Variants in SCARB2 observed in about 807,000 individuals in gnomAD.
The protein encoded by SCARB2 is lysosome membrane protein 2.
Under a neutral mutation model 58.6 loss-of-function variants are expected in SCARB2, and 29 were observed. That is an observed-to-expected ratio of 0.49 (90% CI 0.37 to 0.67). SCARB2 has a LOEUF of 0.67. SCARB2 is among the 30% of genes least tolerant of loss of function. The pLI is 0.00. For missense variants in SCARB2, 488 were observed against 578.5 expected, an observed-to-expected ratio of 0.84 and a Z score of 1.60; for synonymous variants, 195 against 210.1, an observed-to-expected ratio of 0.93 and a Z score of 0.62.
chr4:76,163,606 GA>G, intron 10 of SCARB2: 1 of 585,586 alleles, frequency 1.7e-6, no homozygotes. Flanking sequence ...AAATAGATTG[GA>G]AAAAGGAGGT....
chr4:76,160,915 A>G lies in SCARB2; in HGVS notation c.*798T>C, dbSNP rs1041702903. 6.6e-6 allele frequency: 1 copy of G among 152,188 alleles called. No homozygotes were observed. The highest frequency in any genetic ancestry group is 2.4e-5 in the African/African-American group (1 of 41,448). The allele number at this position is 152,188 out of a possible 1,614,324, so 9.4% of individuals were successfully genotyped here. ...TTCGTAGCATGATCATTTTGACTAA[A>G]AAAAAAACAGTTAACTATCCACAAG... On this transcript the variant is annotated 3_prime_UTR_variant, in exon 12 of 12. Coordinates refer to ENST00000264896, the MANE Select transcript of SCARB2 (RefSeq NM_005506.4).
intron 10 of SCARB2, chr4:76,165,031 C>T (rs1731973059): frequency 6.6e-6 from 1 of 152,116 alleles, no homozygotes; most frequent in Admixed American, 6.5e-5. Flanking sequence ...CTCCACACAC[C>T]TGGACTTAAT....
chr4:76,187,362 A>G (rs1436209381), intron 2 of SCARB2, among the ~76,000 whole-genome samples: 2 of 152,200 alleles, frequency 1.3e-5, no homozygotes, highest in Admixed American at 1.3e-4. Context: ...CAGATAAGCA[A>G]ATGGACAAAG....
upstream of SCARB2, among the ~76,000 whole-genome samples, chr4:76,216,032 C>T (rs1455099349): frequency 6.6e-6 from 1 of 152,206 alleles, no homozygotes; most frequent in Admixed American, 6.5e-5. Context: ...CCCAGAGGAC[C>T]AGTCCTGTGT....
At chr4:76,208,646 T>C (rs1732978270) in intron 1 of SCARB2, among the ~76,000 whole-genome samples, 1 of 152,188 alleles carries the variant, frequency 6.6e-6, no homozygotes, top group African/African-American at 2.4e-5. Flanking sequence ...TCCTGCTGAC[T>C]TTCCACTTTC....
intron 1 of SCARB2, among the ~76,000 whole-genome samples, chr4:76,229,682 G>A (rs546366409): frequency 3.3e-5 from 5 of 152,316 alleles, no homozygotes; most frequent in East Asian, 1.9e-4. Context: ...TTCCTGTGAT[G>A]TGATCCATCT....
chr4:76,170,076 T>C, intron 7 of SCARB2, 91 bp from the exon 8 acceptor site: 1 of 1,148,624 alleles, frequency 8.7e-7, no homozygotes, highest in East Asian at 2.4e-5. Context: ...GCCTGGTTCC[T>C]AAAGAAAAAC....
At position 76,161,536 on chromosome 4, in the gene SCARB2, C is replaced by T. The variant is rs1731896552; in HGVS notation, c.*177G>A. On this transcript the variant is annotated 3_prime_UTR_variant, in exon 12 of 12. Transcript: ENST00000264896. The stretch of plus-strand genomic sequence containing the variant: ...CACATGATTTTATAAAGCTTAATGG[C>T]CAGCCATGTCAGCCTGCTCTTTAAC... 1 of 659,786 alleles carries T rather than the reference C, an allele frequency of 1.5e-6. No individual in the cohort carries two copies. Among genetic ancestry groups the T allele is most frequent in the African/African-American group, 1.8e-5 (1 of 55,460 alleles). The allele number at this position is 659,786 out of a possible 1,614,324, so 40.9% of individuals were successfully genotyped here.
At chr4:76,179,317 G>A in intron 4 of SCARB2, 200 bp downstream of exon 4, 1 of 577,108 alleles carries the variant, frequency 1.7e-6, no homozygotes, top group Non-Finnish European at 3.1e-6. Context: ...GTCTCCCAAA[G>A]TCCTGGAATT....
At chr4:76,184,984 G>C (rs17001588) in intron 2 of SCARB2, among the ~76,000 whole-genome samples, 16,666 of 151,974 alleles carry the variant, frequency 0.11, 1,131 homozygotes, top group East Asian at 0.21. Context: ...ATAGATTCCC[G>C]TTTTACTTAA....
At chr4:76,218,490 C>A (rs1733253249), upstream of SCARB2, among the ~76,000 whole-genome samples, 1 of 152,202 alleles carries the variant, frequency 6.6e-6, no homozygotes, top group Non-Finnish European at 1.5e-5. Context: ...TACCCATGTC[C>A]CTGTCTACCG....
intron 9 of SCARB2, 89 bp from the exon 10 acceptor site, chr4:76,166,390 A>T: frequency 7.6e-7 from 1 of 1,319,502 alleles, no homozygotes; most frequent in South Asian, 1.2e-5. Context: ...TGAAGATTCT[A>T]GTACACTTAT....
chr4:76,165,926 T>G, intron 10 of SCARB2: 1 of 454,348 alleles, frequency 2.2e-6, no homozygotes, highest in South Asian at 2.2e-5. Flanking sequence ...TCTATCTGAG[T>G]GTGAGCTATT....
At position 76,166,306 on chromosome 4, in the gene SCARB2, A is replaced by C. The variant is rs775387526; in HGVS notation, c.1188-5T>G. 6.2e-7 allele frequency: 1 copy of C among 1,613,944 alleles called. No individual in the cohort carries two copies. The highest frequency in any genetic ancestry group is 8.5e-7 in the Non-Finnish European group (1 of 1,179,934). On this transcript the variant is annotated splice_polypyrimidine_tract_variant and splice_region_variant and intron_variant, in intron 9 of 11. Coordinates refer to ENST00000264896, the MANE Select transcript of SCARB2 (RefSeq NM_005506.4). ...GTTCTAATGTCTCCCGTTTCACTAC[A>C]AAGACAAAGGATGAGATTGTTTCAG...
At chr4:76,173,288 C>T (rs775759122) in intron 7 of SCARB2, 5 of 151,348 alleles carry the variant, frequency 3.3e-5, no homozygotes, top group East Asian at 1.9e-4. Context: ...TGCCATGATA[C>T]GTACTTTCTT....
intron 1 of SCARB2, among the ~76,000 whole-genome samples, chr4:76,222,408 A>G (rs867015885): frequency 4.6e-5 from 7 of 152,058 alleles, no homozygotes; most frequent in Non-Finnish European, 7.4e-5. Flanking sequence ...TGTATTTTTT[A>G]GTACAGACGG....
chr4:76,205,153 C>T (rs1309855078), intron 1 of SCARB2, among the ~76,000 whole-genome samples: 1 of 151,936 alleles, frequency 6.6e-6, no homozygotes, highest in South Asian at 2.1e-4. Flanking sequence ...CAGCAAGACC[C>T]CATCTCTACA....
intron 3 of SCARB2, chr4:76,180,273 G>A (rs971064942): frequency 7.1e-5 from 11 of 155,606 alleles, no homozygotes; most frequent in Admixed American, 5.6e-4. Flanking sequence ...AGGATCCCTG[G>A]AGCCCAGGAG....
chr4:76,228,445 C>G (rs1733437386), intron 1 of SCARB2, among the ~76,000 whole-genome samples: 1 of 150,678 alleles, frequency 6.6e-6, no homozygotes, highest in South Asian at 2.1e-4. Context: ...TGCCACTGCA[C>G]TCCAGCCTGG....
Sources: gnomAD v4.1 joint callset for allele counts (sites outside exome capture counted in the v4.1 genomes callset) on GRCh38, gnomAD v4.1.1 for gene constraint, MANE v1.5 for transcripts, NCBI Gene and HGNC (gene_info 2026-07-23, HGNC 2026-07-21) for gene names.